SCYL2: variants seen among roughly 807,000 people sequenced by gnomAD.
SCYL2 encodes SCY1 like pseudokinase 2, also known as SCY1-like protein 2.
Under a neutral mutation model 100.4 loss-of-function variants are expected in SCYL2, and 36 were observed. The observed-to-expected ratio is 0.36, with a 90% CI of 0.27 to 0.47. SCYL2 has a LOEUF of 0.47. SCYL2 is among the 20% of genes least tolerant of loss of function. SCYL2 has a pLI of 1.00. For missense variants in SCYL2, 902 were observed against 1,083.9 expected, an observed-to-expected ratio of 0.83 and a Z score of 2.36; for synonymous variants, 330 against 359.2, an observed-to-expected ratio of 0.92 and a Z score of 0.92.
intron 4 of SCYL2, among the ~76,000 whole-genome samples, chr12:100,306,555 T>A (rs1057148940): frequency 6.6e-6 from 1 of 152,180 alleles, no homozygotes; most frequent in African/African-American, 2.4e-5. Flanking sequence ...TCATACTGAA[T>A]GGGTAAAAGC....
intron 3 of SCYL2, among the ~76,000 whole-genome samples, chr12:100,295,754 G>A (rs944789612): frequency 1.3e-5 from 2 of 150,664 alleles, no homozygotes; most frequent in Admixed American, 6.6e-5. Context: ...GGGAGACGGG[G>A]GAGACCGTGG....
intron 10 of SCYL2, chr12:100,319,122 T>C (rs955973376): frequency 2.3e-6 from 1 of 428,696 alleles, no homozygotes; most frequent in Non-Finnish European, 4.6e-6. Flanking sequence ...ATACTACATA[T>C]TTAAGGTCAC....
chr12:100,286,266 A>G (rs1592933952), intron 2 of SCYL2, among the ~76,000 whole-genome samples: 1 of 152,118 alleles, frequency 6.6e-6, no homozygotes. Context: ...GTATGTGTGT[A>G]TGTTTATATA....
At chr12:100,284,784 A>T (rs1323815934) in intron 2 of SCYL2, among the ~76,000 whole-genome samples, 1 of 152,128 alleles carries the variant, frequency 6.6e-6, no homozygotes, top group African/African-American at 2.4e-5. Flanking sequence ...TTGAGTGTTC[A>T]TTTAGAAGCA....
intron 4 of SCYL2, among the ~76,000 whole-genome samples, chr12:100,298,457 T>G (rs2096323595): frequency 1.3e-5 from 2 of 152,198 alleles, no homozygotes; most frequent in Non-Finnish European, 2.9e-5. Flanking sequence ...TGAATACATT[T>G]TATAAAACAT....
chr12:100,285,229 C>T (rs939006308), intron 2 of SCYL2, among the ~76,000 whole-genome samples: 1 of 152,182 alleles, frequency 6.6e-6, no homozygotes, highest in Non-Finnish European at 1.5e-5. Flanking sequence ...CAGGGATAAC[C>T]ACTACCCTGT....
chr12:100,294,070 G>A (rs1202998002), intron 3 of SCYL2, among the ~76,000 whole-genome samples: 5 of 150,516 alleles, frequency 3.3e-5, no homozygotes, highest in Non-Finnish European at 5.9e-5. Flanking sequence ...GGTGGTGGCC[G>A]GGCAGAGGGG....
intron 1 of SCYL2, among the ~76,000 whole-genome samples, chr12:100,282,322 T>C (rs2096299638): frequency 8.4e-6 from 1 of 118,504 alleles, no homozygotes; most frequent in South Asian, 2.8e-4. Context: ...TTTTAGTCTT[T>C]TTTTTTTTTT....
chr12:100,307,190 A>G (rs1299961449), intron 4 of SCYL2, among the ~76,000 whole-genome samples: 1 of 152,246 alleles, frequency 6.6e-6, no homozygotes, highest in Non-Finnish European at 1.5e-5. Flanking sequence ...AGCCAAGACA[A>G]ACCTAAGCAA....
intron 1 of SCYL2, among the ~76,000 whole-genome samples, chr12:100,273,179 GA>G (rs2096289312): frequency 6.6e-6 from 1 of 152,104 alleles, no homozygotes; most frequent in South Asian, 2.1e-4. Context: ...TGTCCTTGGT[GA>G]TCTGGCTTTT....
chr12:100,334,139 A>G, intron 13 of SCYL2, 27 bp from the exon 14 acceptor site: 4 of 1,264,172 alleles, frequency 3.2e-6, no homozygotes, highest in Non-Finnish European at 4.6e-6. Context: ...GAAACATTGT[A>G]ACCATATCAA....
Position 100,340,034 on chromosome 12 carries a change from T to G in SCYL2, c.*862T>G, listed in dbSNP as rs1952333669. The G allele has an allele frequency of 6.6e-6, 1 of 152,610 alleles. No individual in the cohort carries two copies. The highest frequency in any genetic ancestry group is 1.5e-5 in the Non-Finnish European group (1 of 68,004). The allele number at this position is 152,610 out of a possible 1,614,324, so 9.5% of individuals were successfully genotyped here. A position where few individuals can be genotyped will look rare whatever the true frequency, so the allele number is the denominator to read the frequency against. Reference sequence around the variant, plus strand: ...TTCTGAGGTTGCAGCATATATGAATTGCATTTTCAAAAGAAGATTTGTAAG... The same window carrying G: ...TTCTGAGGTTGCAGCATATATGAATGGCATTTTCAAAAGAAGATTTGTAAG... On this transcript the variant is annotated 3_prime_UTR_variant, in exon 18 of 18. Coordinates refer to ENST00000360820, the MANE Select transcript of SCYL2 (RefSeq NM_017988.6).
intron 9 of SCYL2, among the ~76,000 whole-genome samples, chr12:100,316,948 C>T (rs546266468): frequency 6.6e-6 from 1 of 151,994 alleles, no homozygotes; most frequent in South Asian, 2.1e-4. Flanking sequence ...CAAACAAATA[C>T]AAAAATAAGC....
At chr12:100,313,634 G>T in intron 7 of SCYL2, 96 bp downstream of exon 7, 2 of 659,006 alleles carry the variant, frequency 3.0e-6, no homozygotes, top group East Asian at 2.7e-5. Flanking sequence ...TTTCCCCAGG[G>T]ATCCCTGTTC....
At chr12:100,336,937 A>G (rs928643435) in intron 16 of SCYL2, among the ~76,000 whole-genome samples, 2 of 152,178 alleles carry the variant, frequency 1.3e-5, no homozygotes, top group African/African-American at 2.4e-5. Flanking sequence ...TTAGTTTAGC[A>G]AAGTTGATAA....
rs141767922 is a variant in SCYL2 at position 100,273,865 on chromosome 12, C to G, written c.-29+6073C>G. 6.1e-3 allele frequency among the ~76,000 whole-genome samples: 923 copies of G among 152,310 alleles called. 5 individuals carry two copies. The highest frequency in any genetic ancestry group is 0.021 in the African/African-American group (877 of 41,574). On this transcript the variant is annotated intron_variant, in intron 1 of 17. Coordinates refer to ENST00000360820, the MANE Select transcript of SCYL2 (RefSeq NM_017988.6). ...GGACGGAGTCCCTAAAAAGAAGAAC[C>G]TCTGTATTCTCAGTGTATAACAAGA...
intron 2 of SCYL2, among the ~76,000 whole-genome samples, chr12:100,289,344 A>G (rs1348894952): frequency 6.6e-6 from 1 of 152,210 alleles, no homozygotes; most frequent in Non-Finnish European, 1.5e-5. Context: ...GGCTAAAAAT[A>G]TAGTCCTGTG....
intron 10 of SCYL2, chr12:100,319,156 G>A: frequency 2.2e-6 from 1 of 452,022 alleles, no homozygotes; most frequent in South Asian, 1.6e-5. Flanking sequence ...TTCAGTCTTT[G>A]TCTGCTAAGT....
intron 11 of SCYL2, among the ~76,000 whole-genome samples, chr12:100,325,284 A>G (rs1337267768): frequency 6.6e-6 from 1 of 152,186 alleles, no homozygotes; most frequent in Non-Finnish European, 1.5e-5. Flanking sequence ...GGTATGTAGA[A>G]ATGGGAAACA....
Sources: gnomAD v4.1 joint callset for allele counts (sites outside exome capture counted in the v4.1 genomes callset) on GRCh38, gnomAD v4.1.1 for gene constraint, MANE v1.5 for transcripts, NCBI Gene and HGNC (gene_info 2026-07-23, HGNC 2026-07-21) for gene names.